NXPE2: variants seen among roughly 807,000 people sequenced by gnomAD.
NXPE2 encodes the protein neurexophilin and PC-esterase domain family member 2.
NXPE2 carries 34 observed loss-of-function variants against 34.4 expected under a neutral mutation model. The ratio of observed to expected loss-of-function variants is 0.99; its 90% CI spans 0.75 to 1.31. The LOEUF (loss-of-function observed/expected upper bound fraction) is 1.31, where lower values mean the gene tolerates loss of function less well. Among genes scored for constraint, NXPE2 ranks in the 40% most tolerant of loss-of-function variants. NXPE2 has a pLI of 0.00. For missense variants in NXPE2, 649 were observed against 672.5 expected, an observed-to-expected ratio of 0.97 and a Z score of 0.39; for synonymous variants, 235 against 231.3, an observed-to-expected ratio of 1.02 and a Z score of -0.15.
At chr11:114,570,054 C>G in the NXPE2 span, among the ~76,000 whole-genome samples, 1 of 152,178 alleles carries the variant, frequency 6.6e-6, no homozygotes, top group Admixed American at 6.5e-5. Flanking sequence ...TGTTGTAATG[C>G]TGCATTTGTT....
chr11:114,606,053 G>A, the NXPE2 span, among the ~76,000 whole-genome samples: 1 of 151,858 alleles, frequency 6.6e-6, no homozygotes, highest in South Asian at 2.1e-4. Context: ...TCTGCCTCGT[G>A]GGTAACCACT....
chr11:114,587,810 G>A, the NXPE2 span, among the ~76,000 whole-genome samples: 7 of 152,306 alleles, frequency 4.6e-5, no homozygotes, highest in Non-Finnish European at 7.4e-5. Flanking sequence ...CCTCTGGAGT[G>A]CTTTCTGAAG....
chr11:114,759,940 G>A, the NXPE2 span, among the ~76,000 whole-genome samples: 29 of 152,248 alleles, frequency 1.9e-4, no homozygotes, highest in Non-Finnish European at 3.2e-4. Flanking sequence ...GCTTCAACAA[G>A]GTACTTGGGG....
the NXPE2 span, among the ~76,000 whole-genome samples, chr11:114,547,919 G>A: frequency 1.3e-5 from 2 of 151,944 alleles, no homozygotes; most frequent in Non-Finnish European, 2.9e-5. Context: ...GGGTATAGAA[G>A]AACTTCCTGT....
chr11:114,522,090 C>A, the NXPE2 span: 1 of 1,614,088 alleles, frequency 6.2e-7, no homozygotes, highest in South Asian at 1.1e-5. Flanking sequence ...ACGTTGAGGT[C>A]TTTGAAAATA....
At chr11:114,754,178 T>C in the NXPE2 span, among the ~76,000 whole-genome samples, 1 of 152,188 alleles carries the variant, frequency 6.6e-6, no homozygotes, top group South Asian at 2.1e-4. Flanking sequence ...TGCTAATTCT[T>C]GTGATGGGCA....
chr11:114,473,499 G>A, the NXPE2 span, among the ~76,000 whole-genome samples: 2 of 152,092 alleles, frequency 1.3e-5, no homozygotes, highest in East Asian at 3.8e-4. Flanking sequence ...TACACTGTGA[G>A]TTTATAAAAA....
intron 2 of NXPE2, among the ~76,000 whole-genome samples, chr11:114,693,840 T>C (rs1951198707): frequency 6.6e-6 from 1 of 152,200 alleles, no homozygotes; most frequent in African/African-American, 2.4e-5. Context: ...ATTATAACTA[T>C]ATTGGTTTTC....
the NXPE2 span, among the ~76,000 whole-genome samples, chr11:114,802,962 T>C: frequency 6.6e-6 from 1 of 150,556 alleles, no homozygotes; most frequent in Non-Finnish European, 1.5e-5. Flanking sequence ...ATTCCAGGGG[T>C]GATGTGTTTA....
the NXPE2 span, among the ~76,000 whole-genome samples, chr11:114,631,147 A>G: frequency 1.3e-5 from 2 of 152,012 alleles, no homozygotes; most frequent in African/African-American, 4.8e-5. Flanking sequence ...TAGAAATACC[A>G]TTTGACCCAG....
At chr11:114,642,458 T>G in the NXPE2 span, among the ~76,000 whole-genome samples, 1 of 152,098 alleles carries the variant, frequency 6.6e-6, no homozygotes, top group South Asian at 2.1e-4. Context: ...GGTGTGTGAT[T>G]TTCCCCTCCC....
the NXPE2 span, among the ~76,000 whole-genome samples, chr11:114,727,915 CAA>C: frequency 6.6e-6 from 1 of 151,940 alleles, no homozygotes; most frequent in East Asian, 1.9e-4. Flanking sequence ...TCAGTTAACA[CAA>C]ATTTATTATT....
chr11:114,708,259 C>T (rs1951504715), downstream of NXPE2, among the ~76,000 whole-genome samples: 1 of 152,096 alleles, frequency 6.6e-6, no homozygotes. Context: ...CTTCAAAACC[C>T]ACAGGCTCAT....
chr11:114,619,049 A>T, the NXPE2 span, among the ~76,000 whole-genome samples: 1 of 151,880 alleles, frequency 6.6e-6, no homozygotes. Context: ...CTCATGGGTA[A>T]CCACTGTTAC....
chr11:114,789,364 T>G, the NXPE2 span, among the ~76,000 whole-genome samples: 1 of 152,168 alleles, frequency 6.6e-6, no homozygotes, highest in African/African-American at 2.4e-5. Flanking sequence ...AAATATGAAC[T>G]CAAACCATAT....
At chr11:114,605,868 A>G in the NXPE2 span, among the ~76,000 whole-genome samples, 1 of 151,778 alleles carries the variant, frequency 6.6e-6, no homozygotes. Flanking sequence ...CCTGGTGGAT[A>G]ATAAGTGTTG....
At chr11:114,569,891 T>C in the NXPE2 span, among the ~76,000 whole-genome samples, 3 of 152,202 alleles carry the variant, frequency 2.0e-5, no homozygotes, top group South Asian at 2.1e-4. Context: ...CTTCTTTCTG[T>C]GGACAGTGGA....
chr11:114,525,528 A>C, the NXPE2 span, among the ~76,000 whole-genome samples: 1 of 152,170 alleles, frequency 6.6e-6, no homozygotes, highest in African/African-American at 2.4e-5. Flanking sequence ...TCCCAAAGCA[A>C]GGTTGGGAAA....
chr11:114,522,613 G>A, the NXPE2 span: 101 of 922,966 alleles, frequency 1.1e-4, no homozygotes, highest in Non-Finnish European at 1.1e-4. Flanking sequence ...TTGCTCACTG[G>A]AGCCTTTCTA....
Sources: allele counts gnomAD v4.1 joint callset (sites outside exome capture counted in the v4.1 genomes callset), GRCh38; gene constraint gnomAD v4.1.1; transcripts MANE v1.5; gene names NCBI Gene and HGNC (gene_info 2026-07-23, HGNC 2026-07-21).